CALN1: variants seen among roughly 807,000 people sequenced by gnomAD.
The protein encoded by CALN1 is calcium-binding protein 8.
CALN1 carries 17 observed loss-of-function variants against 30.6 expected under a neutral mutation model. That is an observed-to-expected ratio of 0.56 (90% CI 0.38 to 0.83). The LOEUF (loss-of-function observed/expected upper bound fraction) is 0.83. CALN1 is among the 40% of genes least tolerant of loss of function. The probability of loss-of-function intolerance (pLI) is 0.00; values close to 1 mark genes in which losing one functional copy is unlikely to be tolerated. For synonymous variants in CALN1, 156 were observed against 131.4 expected (o/e 1.19, Z -1.28); for missense variants, 291 against 354.9 (o/e 0.82, Z 1.45).
intron 3 of CALN1, among the ~76,000 whole-genome samples, chr7:72,137,899 G>C (rs1023779645): frequency 2.0e-5 from 3 of 152,194 alleles, no homozygotes; most frequent in Admixed American, 2.0e-4. Context: ...GAGAGAGAGA[G>C]AGAATGATAC....
At position 71,957,578 on chromosome 7, in the gene CALN1, G is replaced by A. The variant is rs569233673; in HGVS notation, c.501+66079C>T. Reference sequence around the variant, plus strand: ...AAAATGCCTTCCTCAACTTACAAATGGCAAATCTCTTAAGTAACTTCAGTT... The same window carrying A: ...AAAATGCCTTCCTCAACTTACAAATAGCAAATCTCTTAAGTAACTTCAGTT... On this transcript the variant is annotated intron_variant, in intron 5 of 6. Coordinates refer to ENST00000395275, the MANE Select transcript of CALN1 (RefSeq NM_031468.4). 5.9e-5 allele frequency among the ~76,000 whole-genome samples: 9 copies of A among 152,192 alleles called. 1 individual carries two copies. In the East Asian group the frequency reaches 1.7e-3, roughly 29 times the overall value.
intron 1 of CALN1, among the ~76,000 whole-genome samples, chr7:72,433,317 T>A (rs1163271238): frequency 6.6e-6 from 1 of 151,986 alleles, no homozygotes; most frequent in African/African-American, 2.4e-5. Context: ...CCGAGCAGTC[T>A]CCTCCCAACT....
intron 3 of CALN1, among the ~76,000 whole-genome samples, chr7:72,187,205 A>G (rs1285122832): frequency 6.6e-6 from 1 of 152,122 alleles, no homozygotes; most frequent in Non-Finnish European, 1.5e-5. Context: ...AATGGATGAA[A>G]AAGATTCCTG....
intron 5 of CALN1, among the ~76,000 whole-genome samples, chr7:71,943,834 G>A (rs1444483943): frequency 1.3e-5 from 2 of 152,090 alleles, no homozygotes; most frequent in Non-Finnish European, 2.9e-5. Context: ...TTAAATTGGA[G>A]TCGGCAATAA....
chr7:72,387,274 A>AGGGAGGGAGGGAGGG (rs1562939094), intron 2 of CALN1, among the ~76,000 whole-genome samples: 2 of 11,688 alleles, frequency 1.7e-4, no homozygotes, highest in Non-Finnish European at 3.5e-4. Flanking sequence ...GGAAGGGAGG[A>AGGGAGGGAGGGAGGG]AGGGAGGGAG....
chr7:71,784,689 T>G lies in CALN1; in HGVS notation c.*3086A>C. On this transcript the variant is annotated 3_prime_UTR_variant, in exon 7 of 7. Transcript: ENST00000395275. ...CAGCAAGAATGAGCCAACCTGTGTT[T>G]GTCAATCACTCAGCCTCCACACAGT... 2.5e-6 allele frequency: 1 copy of G among 397,678 alleles called. No individual in the cohort carries two copies. Among genetic ancestry groups the G allele is most frequent in the Non-Finnish European group, 4.4e-6 (1 of 225,780 alleles). 24.6% of individuals were successfully genotyped at this position (397,678 alleles called of 1,614,324 possible). A position where few individuals can be genotyped will look rare whatever the true frequency, so the allele number is the denominator to read the frequency against.
intron 1 of CALN1, among the ~76,000 whole-genome samples, chr7:72,424,694 T>C (rs930275361): frequency 5.9e-5 from 9 of 152,200 alleles, no homozygotes; most frequent in African/African-American, 2.2e-4. Flanking sequence ...ACTTCTGACC[T>C]CGGGAGATCC....
chr7:72,030,747 A>G (rs981488611), intron 4 of CALN1, among the ~76,000 whole-genome samples: 7 of 146,378 alleles, frequency 4.8e-5, no homozygotes, highest in Non-Finnish European at 1.1e-4. Context: ...TACCCACACA[A>G]TTTTTTTTTT....
rs2240977 is a variant in CALN1, at chr7:71,780,635, G to C, written c.*7140C>G. On this transcript the variant is annotated 3_prime_UTR_variant, in exon 7 of 7. Transcript: ENST00000395275. ...AAAGATCACGACTCTCTTCTTTCTG[G>C]GGTATTAGGAATAATTACAAGCTAC... The C allele has an allele frequency of 0.19, 28,666 of 151,732 alleles. 4,057 individuals carry two copies. Among genetic ancestry groups the C allele is most frequent in the East Asian group, 0.53 (2,722 of 5,142 alleles). The allele number at this position is 151,732 out of a possible 1,614,324, so 9.4% of individuals were successfully genotyped here.
At chr7:71,874,749 G>A (rs1408349868) in intron 5 of CALN1, among the ~76,000 whole-genome samples, 1 of 152,160 alleles carries the variant, frequency 6.6e-6, no homozygotes, top group African/African-American at 2.4e-5. Context: ...CTGGTCTAGG[G>A]CAAATAAGGG....
At position 72,257,005 on chromosome 7, in the gene CALN1, G is replaced by C. The variant is rs549976099; in HGVS notation, c.244+21681C>G. Among the ~76,000 whole-genome samples the C allele has an allele frequency of 8.5e-4, 130 of 152,230 alleles. 3 individuals carry two copies. In the South Asian group the frequency reaches 0.027, roughly 31 times the overall value. On this transcript the variant is annotated intron_variant, in intron 3 of 6. Transcript: ENST00000395275. Reference sequence around the variant, plus strand: ...ACACTGCTATAAAGACACTACCCAAGACTTGGTAATTTATAAAGAAAATAG... The same window carrying C: ...ACACTGCTATAAAGACACTACCCAACACTTGGTAATTTATAAAGAAAATAG...
intron 5 of CALN1, among the ~76,000 whole-genome samples, chr7:71,980,926 A>G (rs1240171032): frequency 1.3e-5 from 2 of 152,090 alleles, no homozygotes; most frequent in African/African-American, 4.8e-5. Flanking sequence ...TCGACTCAGG[A>G]AAAGAGGCCA....
intron 3 of CALN1, among the ~76,000 whole-genome samples, chr7:72,256,605 T>TA (rs1240112728): frequency 1.5e-4 from 2 of 13,334 alleles, no homozygotes; most frequent in Non-Finnish European, 2.2e-4. Flanking sequence ...CAATCAATTA[T>TA]TTTTTTTTCT....
chr7:71,896,362 T>A (rs1793531960), intron 5 of CALN1, among the ~76,000 whole-genome samples: 1 of 152,170 alleles, frequency 6.6e-6, no homozygotes, highest in African/African-American at 2.4e-5. Context: ...CTAGAGAACT[T>A]CTTTCTTTCT....
At chr7:72,184,607 T>C (rs1055857928) in intron 3 of CALN1, among the ~76,000 whole-genome samples, 1 of 152,160 alleles carries the variant, frequency 6.6e-6, no homozygotes, top group East Asian at 1.9e-4. Flanking sequence ...GGTAAACATA[T>C]AGCATTTATT....
chr7:72,401,122 T>C (rs777221749), intron 2 of CALN1, among the ~76,000 whole-genome samples: 13 of 152,164 alleles, frequency 8.5e-5, no homozygotes, highest in Admixed American at 3.9e-4. Flanking sequence ...AGATGACCTA[T>C]AGATGGGGAC....
At chr7:72,228,456 T>C (rs1026309937) in intron 3 of CALN1, among the ~76,000 whole-genome samples, 16 of 151,874 alleles carry the variant, frequency 1.1e-4, no homozygotes, top group Admixed American at 9.8e-4. Flanking sequence ...CTCCGTAAGA[T>C]TATGAAAAAT....
chr7:72,208,041 T>C (rs187937584), intron 3 of CALN1, among the ~76,000 whole-genome samples: 1 of 152,316 alleles, frequency 6.6e-6, no homozygotes, highest in South Asian at 2.1e-4. Context: ...TTGCCTCTTA[T>C]ACAATCAACC....
rs2903635 is a variant in CALN1 at position 72,383,358 on chromosome 7, G to C, written c.119+19893C>G. Reference sequence around the variant, plus strand: ...CTCCAAACTGCTTTCCACAGTGGTTGAACTAACTTGCATTCCCACCAAAAG... The same window carrying C: ...CTCCAAACTGCTTTCCACAGTGGTTCAACTAACTTGCATTCCCACCAAAAG... On this transcript the variant is annotated intron_variant, in intron 2 of 6. Coordinates refer to ENST00000395275, the MANE Select transcript of CALN1 (RefSeq NM_031468.4). Among the ~76,000 whole-genome samples, 927 of 152,296 alleles carry C rather than the reference G, an allele frequency of 6.1e-3. 8 individuals are homozygous for C. The highest frequency in any genetic ancestry group is 0.019 in the African/African-American group (805 of 41,568).
Sources: allele counts gnomAD v4.1 joint callset (sites outside exome capture counted in the v4.1 genomes callset), GRCh38; gene constraint gnomAD v4.1.1; transcripts MANE v1.5; gene names NCBI Gene and HGNC (gene_info 2026-07-23, HGNC 2026-07-21).